TCF20: variants seen among roughly 807,000 people sequenced by gnomAD.
TCF20 encodes the protein SPRE-binding protein.
Under a neutral mutation model 148.6 loss-of-function variants are expected in TCF20, and 3 were observed. That is an observed-to-expected ratio of 0.02 (90% CI 0.01 to 0.05). The LOEUF is 0.05. TCF20 is among the 10% of genes least tolerant of loss of function. The pLI is 1.00. For synonymous variants in TCF20, 1,049 were observed against 909.5 expected (o/e 1.15, Z -2.76); for missense variants, 2,350 against 2,429.3 (o/e 0.97, Z 0.69).
In TCF20 at chr22:42,214,566, AAGGAGGAGGAGG is replaced by A. The variant is rs754279263; in HGVS notation, c.728_739del (p.Ser243_Ser246del). 1.2e-6 allele frequency: 2 copies of A among 1,613,550 alleles called. No individual in the cohort carries two copies. Among genetic ancestry groups the A allele is most frequent in the African/African-American group, 1.3e-5 (1 of 74,956 alleles). On this transcript the variant is annotated inframe_deletion, in exon 2 of 6. Coordinates refer to ENST00000677622, the MANE Select transcript of TCF20 (RefSeq NM_001378418.1). ...CTGGCTAAAACGCTGTGGTGAAGGG[AAGGAGGAGGAGG>A]AGGAGGAGGAAGCAGAAGACTGATA...
intron 2 of TCF20, among the ~76,000 whole-genome samples, chr22:42,196,651 G>A (rs1387790374): frequency 6.6e-6 from 1 of 152,198 alleles, no homozygotes; most frequent in Non-Finnish European, 1.5e-5. Flanking sequence ...AGCTTTCAAA[G>A]TCTGGAACCA....
chr22:42,294,547 G>A (rs1927196193), intron 1 of TCF20, among the ~76,000 whole-genome samples: 1 of 152,098 alleles, frequency 6.6e-6, no homozygotes, highest in Non-Finnish European at 1.5e-5. Context: ...AGCTCCGGGA[G>A]AGGGCAGGGC....
chr22:42,220,437 A>G (rs1922250999), intron 1 of TCF20, among the ~76,000 whole-genome samples: 1 of 152,214 alleles, frequency 6.6e-6, no homozygotes, highest in Admixed American at 6.5e-5. Flanking sequence ...GGCTCAAGCC[A>G]TCCTGCTGTT....
chr22:42,314,735 C>T (rs967361014), intron 1 of TCF20, among the ~76,000 whole-genome samples: 1 of 152,224 alleles, frequency 6.6e-6, no homozygotes, highest in African/African-American at 2.4e-5. Context: ...CGGTGGATGT[C>T]TGCTGAATGA....
chr22:42,326,801 T>A (rs80265196), intron 1 of TCF20, among the ~76,000 whole-genome samples: 9,678 of 152,338 alleles, frequency 0.064, 390 homozygotes, highest in South Asian at 0.16. Flanking sequence ...ACCTTGCTAA[T>A]CTTCAACTGA....
chr22:42,171,146 T>C (rs1422644761), intron 3 of TCF20, among the ~76,000 whole-genome samples: 1 of 152,212 alleles, frequency 6.6e-6, no homozygotes, highest in Non-Finnish European at 1.5e-5. Flanking sequence ...GGGTAGTGCA[T>C]GGATCAGGGC....
chr22:42,322,260 C>T (rs919388501), intron 1 of TCF20, among the ~76,000 whole-genome samples: 11 of 151,856 alleles, frequency 7.2e-5, no homozygotes, highest in African/African-American at 2.7e-4. Context: ...CTGTGCAGGC[C>T]TGGAGGGGCA....
intron 1 of TCF20, among the ~76,000 whole-genome samples, chr22:42,304,487 C>G (rs1248977094): frequency 2.0e-5 from 3 of 152,312 alleles, no homozygotes; most frequent in Non-Finnish European, 2.9e-5. Context: ...ACTGAGAGGA[C>G]TCAGCACCTT....
intron 2 of TCF20, among the ~76,000 whole-genome samples, chr22:42,183,187 C>T (rs1229380683): frequency 6.6e-6 from 1 of 152,222 alleles, no homozygotes; most frequent in Non-Finnish European, 1.5e-5. Flanking sequence ...GACACAATGA[C>T]TGGGTGAGCT....
chr22:42,191,633 T>C (rs527667735), intron 2 of TCF20, among the ~76,000 whole-genome samples: 3 of 152,304 alleles, frequency 2.0e-5, no homozygotes, highest in African/African-American at 7.2e-5. Flanking sequence ...ATTAAAATAA[T>C]CCTAATCAGA....
rs1216869426 is a variant in TCF20, at chr22:42,290,742, G to T, written c.-37+52737C>A. On this transcript the variant is annotated intron_variant, in intron 1 of 1. Coordinates refer to the TCF20 transcript ENST00000515426. This position sits in a 1 kb window ranked among gnomAD's most constrained non-coding sequence, Gnocchi z 4.2. ...ACACTAGGCCTGGGGATGAGGCTGG[G>T]ATGAGATGCTGGCCTCAAGGACAAT... is the stretch of plus-strand genomic sequence containing the variant. Among the ~76,000 whole-genome samples the T allele has an allele frequency of 6.6e-6, 1 of 152,224 alleles. No homozygotes were observed. Among genetic ancestry groups the T allele is most frequent in the Admixed American group, 6.5e-5 (1 of 15,282 alleles).
At chr22:42,306,154 G>A (rs1408570509) in intron 1 of TCF20, among the ~76,000 whole-genome samples, 1 of 152,280 alleles carries the variant, frequency 6.6e-6, no homozygotes, top group Non-Finnish European at 1.5e-5. Flanking sequence ...TGAGCGCATG[G>A]CTAAGCCGGA....
At chr22:42,195,181 G>A (rs994414455) in intron 2 of TCF20, among the ~76,000 whole-genome samples, 2 of 150,200 alleles carry the variant, frequency 1.3e-5, no homozygotes, top group African/African-American at 2.4e-5. Context: ...CAACATTCAG[G>A]TGGCACTACA....
chr22:42,266,769 A>G (rs1355712785), intron 1 of TCF20, among the ~76,000 whole-genome samples: 1 of 152,070 alleles, frequency 6.6e-6, no homozygotes, highest in Admixed American at 6.6e-5. Context: ...ACAGAGCGAG[A>G]CTCCGTCTCA....
At position 42,340,281 on chromosome 22, in the gene TCF20, G is replaced by C. The variant is rs187459527; in HGVS notation, c.-37+3198C>G. Among the ~76,000 whole-genome samples, 332 of 152,338 alleles carry C rather than the reference G, an allele frequency of 2.2e-3. 2 individuals are homozygous for C. Among genetic ancestry groups the C allele is most frequent in the African/African-American group, 7.4e-3 (307 of 41,562 alleles). On this transcript the variant is annotated intron_variant, in intron 1 of 1. Transcript: ENST00000515426. The stretch of plus-strand genomic sequence containing the variant: ...GCAAGGCCACATTTGAACCACCTCT[G>C]TGGGTACAAGACCCTTGTGCAAGAG...
chr22:42,335,639 G>A lies in TCF20; in HGVS notation c.-37+7840C>T, dbSNP rs369761639. 3.9e-5 allele frequency among the ~76,000 whole-genome samples: 6 copies of A among 152,316 alleles called. No homozygotes were observed. In the South Asian group the frequency reaches 1.2e-3, roughly 32 times the overall value. On this transcript the variant is annotated intron_variant, in intron 1 of 1. Transcript: ENST00000515426. ...AGCAGACAGCAGGGGGGCAGAGAGT[G>A]GGGAAGTGTCCCAGGCAGAAGGCAT...
intron 1 of TCF20, chr22:42,278,745 C>T (rs1437345356): frequency 6.6e-6 from 1 of 152,288 alleles, no homozygotes; most frequent in Non-Finnish European, 1.5e-5. Flanking sequence ...TTACCTGCGT[C>T]CACTCGTAAC....
intron 1 of TCF20, among the ~76,000 whole-genome samples, chr22:42,316,878 T>C (rs1161419575): frequency 3.3e-5 from 5 of 152,336 alleles, no homozygotes; most frequent in African/African-American, 1.2e-4. Context: ...CAGAACTTTC[T>C]GGTCTCATCT....
At chr22:42,240,443 T>C (rs183651560) in intron 1 of TCF20, among the ~76,000 whole-genome samples, 4 of 152,302 alleles carry the variant, frequency 2.6e-5, no homozygotes, top group Admixed American at 1.3e-4. Context: ...CATGAGTCCA[T>C]GAAAATAAGA....
Sources: gnomAD v4.1 joint callset for allele counts (sites outside exome capture counted in the v4.1 genomes callset) on GRCh38, gnomAD v4.1.1 for gene constraint, Gnocchi (gnomAD v3.1) non-coding constraint, MANE v1.5 for transcripts, NCBI Gene and HGNC (gene_info 2026-07-23, HGNC 2026-07-21) for gene names.